Variants in EPHA6 observed in about 807,000 individuals in gnomAD.
EPHA6 encodes the protein ephrin type-A receptor 6.
EPHA6 carries 50 observed loss-of-function variants against 112.0 expected under a neutral mutation model. The ratio of observed to expected loss-of-function variants is 0.45; its 90% CI spans 0.36 to 0.56. The LOEUF (loss-of-function observed/expected upper bound fraction) is 0.56, where lower values mean the gene tolerates loss of function less well. Among genes scored for constraint, EPHA6 ranks in the 20% least tolerant of loss-of-function variants. The pLI is 0.00. For missense variants in EPHA6, 1,280 were observed against 1,417.4 expected, an observed-to-expected ratio of 0.90 and a Z score of 1.56; for synonymous variants, 529 against 490.7, an observed-to-expected ratio of 1.08 and a Z score of -1.03.
At chr3:97,432,097 A>C (rs569531313) in intron 6 of EPHA6, among the ~76,000 whole-genome samples, 3 of 152,080 alleles carry the variant, frequency 2.0e-5, no homozygotes, top group African/African-American at 7.2e-5. Context: ...TTATTCCCAC[A>C]TATAGATCTC....
intron 2 of EPHA6, among the ~76,000 whole-genome samples, chr3:96,894,823 C>G (rs1216085918): frequency 6.6e-6 from 1 of 151,916 alleles, no homozygotes; most frequent in African/African-American, 2.4e-5. Flanking sequence ...GAAACAAAAG[C>G]AAAGGAAAGT....
At chr3:97,226,514 G>T in intron 4 of EPHA6, 95 bp downstream of exon 4, 3 of 1,159,200 alleles carry the variant, frequency 2.6e-6, no homozygotes, top group East Asian at 2.4e-5. Context: ...ACAAAATCTT[G>T]CATTATCAAT....
At chr3:97,309,023 A>G (rs2081437759) in intron 5 of EPHA6, among the ~76,000 whole-genome samples, 1 of 151,758 alleles carries the variant, frequency 6.6e-6, no homozygotes, top group East Asian at 1.9e-4. Context: ...TAAAAACAAA[A>G]CAACTGCATA....
At chr3:97,178,391 A>G (rs946298189) in intron 3 of EPHA6, among the ~76,000 whole-genome samples, 2 of 152,048 alleles carry the variant, frequency 1.3e-5, no homozygotes, top group South Asian at 4.1e-4. Flanking sequence ...ACACACCACC[A>G]TTGCAGTGTT....
chr3:96,933,057 G>A (rs2040406372), intron 2 of EPHA6, among the ~76,000 whole-genome samples: 1 of 152,026 alleles, frequency 6.6e-6, no homozygotes, highest in Non-Finnish European at 1.5e-5. Context: ...ACGTCAAGAT[G>A]GCATTATTTT....
At chr3:97,504,459 C>A (rs989767859) in intron 10 of EPHA6, among the ~76,000 whole-genome samples, 1 of 152,190 alleles carries the variant, frequency 6.6e-6, no homozygotes, top group Non-Finnish European at 1.5e-5. Context: ...TCCACCCCAT[C>A]CTCCTAGTGT....
intron 3 of EPHA6, among the ~76,000 whole-genome samples, chr3:97,029,782 T>G (rs1351746181): frequency 6.6e-6 from 1 of 152,132 alleles, no homozygotes; most frequent in Non-Finnish European, 1.5e-5. Context: ...TTCTTTAGTT[T>G]TGAAGTAAAT....
intron 2 of EPHA6, among the ~76,000 whole-genome samples, chr3:96,978,719 G>T (rs980780680): frequency 2.0e-5 from 3 of 151,874 alleles, no homozygotes; most frequent in Non-Finnish European, 4.4e-5. Context: ...GCATCATTTT[G>T]TTATGTATCC....
At chr3:97,002,985 A>G (rs1249130834) in intron 3 of EPHA6, among the ~76,000 whole-genome samples, 1 of 152,202 alleles carries the variant, frequency 6.6e-6, no homozygotes, top group Non-Finnish European at 1.5e-5. Context: ...GGTGAAATTG[A>G]CTTTATTAAT....
In EPHA6 at chr3:96,866,806, A is replaced by C. The variant is rs2036341244; in HGVS notation, c.386-19A>C. 1 of 1,403,424 alleles carries C rather than the reference A, an allele frequency of 7.1e-7. No homozygotes were observed. The highest frequency in any genetic ancestry group is 9.4e-7 in the Non-Finnish European group (1 of 1,063,938). 86.9% of individuals were successfully genotyped at this position (1,403,424 alleles called of 1,614,324 possible). A position where few individuals can be genotyped will look rare whatever the true frequency, so the allele number is the denominator to read the frequency against. ...TAGTTGAGAAATTCATGGAATTTTT[A>C]TTTTCTATTTAATTCCAGTTGTGTT... On this transcript the variant is annotated intron_variant, in intron 1 of 17. Transcript: ENST00000389672.
chr3:96,958,394 T>C (rs929624128), intron 2 of EPHA6, among the ~76,000 whole-genome samples: 3 of 152,200 alleles, frequency 2.0e-5, no homozygotes, highest in African/African-American at 7.2e-5. Flanking sequence ...TCTCCTTATA[T>C]GTAAAATGTG....
intron 1 of EPHA6, among the ~76,000 whole-genome samples, chr3:96,859,133 A>ATTCG (rs1382945335): frequency 6.6e-6 from 1 of 150,908 alleles, no homozygotes; most frequent in African/African-American, 2.4e-5. Flanking sequence ...TCATTCATTC[A>ATTCG]TTTTCTTCAA....
At chr3:97,068,413 T>G (rs2046247845) in intron 3 of EPHA6, among the ~76,000 whole-genome samples, 1 of 152,022 alleles carries the variant, frequency 6.6e-6, no homozygotes, top group Non-Finnish European at 1.5e-5. Context: ...GATGGGACTA[T>G]GATAATGGAG....
intron 5 of EPHA6, among the ~76,000 whole-genome samples, chr3:97,297,732 C>T (rs1004965820): frequency 3.5e-4 from 53 of 152,074 alleles, no homozygotes; most frequent in African/African-American, 1.3e-3. Context: ...CCCTCTTCAA[C>T]ATCTTAATAA....
intron 2 of EPHA6, among the ~76,000 whole-genome samples, chr3:96,946,324 CT>C (rs1189556454): frequency 3.3e-4 from 50 of 151,994 alleles, no homozygotes; most frequent in African/African-American, 1.2e-3. Flanking sequence ...CCCTCCCCCC[CT>C]TCCCCCACCC....
rs116372538 is a variant in EPHA6, at chr3:97,618,288, G to A, written c.2574+7434G>A. Among the ~76,000 whole-genome samples the A allele has an allele frequency of 8.1e-3, 1,225 of 152,028 alleles. 17 individuals carry two copies. The highest frequency in any genetic ancestry group is 0.028 in the African/African-American group (1,169 of 41,464). ...GATACAGCCAAGGCAATGTTAAGAC[G>A]GAAATATTTAGCACTAAATACCCAC... On this transcript the variant is annotated intron_variant, in intron 13 of 17. Coordinates refer to ENST00000389672, the MANE Select transcript of EPHA6 (RefSeq NM_001080448.3).
At position 97,313,431 on chromosome 3, in the gene EPHA6, C is replaced by T. The variant is rs1332596671; in HGVS notation, c.1606+69144C>T. Among the ~76,000 whole-genome samples the T allele has an allele frequency of 4.0e-5, 6 of 151,304 alleles. No individual in the cohort carries two copies. In the Admixed American group the frequency reaches 4.0e-4, roughly 10 times the overall value. ...CAGAAGTGGGATTGTTGGGGTAATT[C>T]TACTTTTAGGTTTTGAGGAACCTCC... On this transcript the variant is annotated intron_variant, in intron 5 of 17. Transcript: ENST00000389672.
chr3:96,878,430 A>G (rs999549915), intron 2 of EPHA6, among the ~76,000 whole-genome samples: 1 of 152,186 alleles, frequency 6.6e-6, no homozygotes, highest in Non-Finnish European at 1.5e-5. Context: ...ATGCTAAGGC[A>G]TGCCATTATT....
chr3:97,581,276 G>A (rs1359113706), intron 11 of EPHA6, among the ~76,000 whole-genome samples: 2 of 152,208 alleles, frequency 1.3e-5, no homozygotes, highest in Non-Finnish European at 2.9e-5. Context: ...TGACAGGTCA[G>A]AACATTTTTA....
Sources: allele counts gnomAD v4.1 joint callset (sites outside exome capture counted in the v4.1 genomes callset), GRCh38; gene constraint gnomAD v4.1.1; transcripts MANE v1.5; gene names NCBI Gene and HGNC (gene_info 2026-07-23, HGNC 2026-07-21).